The following CDH12 variants were observed in gnomAD, a reference collection of about 807,000 sequenced individuals.
CDH12 encodes cadherin 12, also known as cadherin-12.
A neutral mutation model predicts 74.1 loss-of-function variants in CDH12; 41 were observed. The observed-to-expected ratio is 0.55, with a 90% CI of 0.43 to 0.72. CDH12 has a LOEUF of 0.72. CDH12 is among the 30% of genes least tolerant of loss of function. The probability of loss-of-function intolerance (pLI) is 0.00; values close to 1 mark genes in which losing one functional copy is unlikely to be tolerated. For missense variants in CDH12, 945 were observed against 977.2 expected, an observed-to-expected ratio of 0.97 and a Z score of 0.44; for synonymous variants, 399 against 355.0, an observed-to-expected ratio of 1.12 and a Z score of -1.39.
At chr5:22,688,153 G>A (rs1398964318) in intron 1 of CDH12, among the ~76,000 whole-genome samples, 2 of 152,096 alleles carry the variant, frequency 1.3e-5, no homozygotes, top group African/African-American at 4.8e-5. Flanking sequence ...CTGGCGTCCA[G>A]GAGATTCATG....
chr5:21,798,042 A>C (rs909027040), intron 10 of CDH12, among the ~76,000 whole-genome samples: 3 of 152,002 alleles, frequency 2.0e-5, no homozygotes, highest in Non-Finnish European at 4.4e-5. Flanking sequence ...TTTTGTTGCA[A>C]CCTTCAATTT....
At chr5:22,084,796 C>A (rs1174363378) in intron 4 of CDH12, among the ~76,000 whole-genome samples, 1 of 152,138 alleles carries the variant, frequency 6.6e-6, no homozygotes, top group South Asian at 2.1e-4. Context: ...GATTGAAGGA[C>A]TCCAGTTCTT....
rs558699956 is a variant in CDH12, at chr5:22,779,010, T to C, written c.-523+74048A>G. 4.3e-4 allele frequency among the ~76,000 whole-genome samples: 66 copies of C among 152,292 alleles called. 1 individual carries two copies. The South Asian group carries it at 0.013, about 31-fold the overall frequency. ...CCAGAATTTCTCTTCACTAAAATAATATAGAAAATGTATGTTTTGATATTT... is the reference window on the plus strand; with the variant it reads ...CCAGAATTTCTCTTCACTAAAATAACATAGAAAATGTATGTTTTGATATTT... On this transcript the variant is annotated intron_variant, in intron 1 of 14. Coordinates refer to ENST00000382254, the MANE Select transcript of CDH12 (RefSeq NM_004061.5).
chr5:22,091,103 A>C (rs1743395141), intron 4 of CDH12, among the ~76,000 whole-genome samples: 1 of 151,662 alleles, frequency 6.6e-6, no homozygotes, highest in South Asian at 2.1e-4. Context: ...AAAAGAGGGA[A>C]AATTTACCAG....
rs562318619 is a variant in CDH12, at chr5:21,830,391, G to A, written c.814+11770C>T. ...AAAATTAAAAATAAACATCTTTACT[G>A]TCAGATATTTTAGTTGTATTGATTT... On this transcript the variant is annotated intron_variant, in intron 8 of 14. Transcript: ENST00000382254. 3.1e-4 allele frequency among the ~76,000 whole-genome samples: 47 copies of A among 151,986 alleles called. 1 individual carries two copies. In the South Asian group the frequency reaches 7.9e-3, roughly 26 times the overall value.
At chr5:21,990,442 CAG>C (rs1757696067) in intron 5 of CDH12, among the ~76,000 whole-genome samples, 1 of 152,000 alleles carries the variant, frequency 6.6e-6, no homozygotes, top group Admixed American at 6.6e-5. Context: ...CTTCATACCT[CAG>C]AGTCTTCATA....
chr5:22,845,251 A>G (rs1469523070), intron 1 of CDH12, among the ~76,000 whole-genome samples: 1 of 152,178 alleles, frequency 6.6e-6, no homozygotes, highest in Non-Finnish European at 1.5e-5. Flanking sequence ...ACCAAATCCT[A>G]ACACTAATAA....
rs138929335 is a variant in CDH12, at chr5:22,560,421, C to T, written c.-522-55057G>A. 3.5e-3 allele frequency among the ~76,000 whole-genome samples: 535 copies of T among 152,144 alleles called. 2 individuals carry two copies. Among genetic ancestry groups the T allele is most frequent in the Middle Eastern group, 0.01 (3 of 294 alleles). The stretch of plus-strand genomic sequence containing the variant: ...TAGGCATTCACTGGGGCTCTTGAAA[C>T]CTATCCCTTCAGATAAGAGGTGCTT... On this transcript the variant is annotated intron_variant, in intron 1 of 14. Transcript: ENST00000382254.
intron 5 of CDH12, among the ~76,000 whole-genome samples, chr5:22,047,685 A>G (rs1740056860): frequency 6.6e-6 from 1 of 152,086 alleles, no homozygotes; most frequent in African/African-American, 2.4e-5. Flanking sequence ...TGCACTGTTG[A>G]CTTCAAAACC....
intron 1 of CDH12, among the ~76,000 whole-genome samples, chr5:22,622,956 A>T (rs918621921): frequency 1.6e-4 from 25 of 152,372 alleles, no homozygotes; most frequent in Admixed American, 3.9e-4. Flanking sequence ...GCAGCACATC[A>T]AAAAGCTTAT....
In CDH12 at chr5:22,745,276, ATT is replaced by A. The variant is rs75964510; in HGVS notation, c.-523+107780_-523+107781del. Among the ~76,000 whole-genome samples, 12 of 150,014 alleles carry A rather than the reference ATT, an allele frequency of 8.0e-5. No homozygotes were observed. In the East Asian group the frequency reaches 1.6e-3, roughly 20 times the overall value. On this transcript the variant is annotated intron_variant, in intron 1 of 14. Transcript: ENST00000382254. Reference sequence around the variant, plus strand: ...ACTAACAAATAAGCATTCCATTGAGATTTTTTTTTAATTAAATTGCATTAAAG... The same window carrying A: ...ACTAACAAATAAGCATTCCATTGAGATTTTTTTAATTAAATTGCATTAAAG...
At chr5:21,837,826 T>C (rs770755068) in intron 8 of CDH12, among the ~76,000 whole-genome samples, 9 of 152,138 alleles carry the variant, frequency 5.9e-5, no homozygotes, top group Non-Finnish European at 1.2e-4. Flanking sequence ...TGTGAAAACC[T>C]CTTCTTTCTC....
intron 6 of CDH12, among the ~76,000 whole-genome samples, chr5:21,962,412 A>G (rs1228033794): frequency 6.6e-6 from 1 of 152,192 alleles, no homozygotes; most frequent in Non-Finnish European, 1.5e-5. Context: ...TTACTTCAAC[A>G]ATGTTCATTA....
chr5:22,501,035 A>G (rs1747310479), intron 2 of CDH12, among the ~76,000 whole-genome samples: 1 of 152,154 alleles, frequency 6.6e-6, no homozygotes, highest in Non-Finnish European at 1.5e-5. Context: ...ACCTATCACA[A>G]AAAATCAAAG....
chr5:21,995,625 C>A (rs1736241475), intron 5 of CDH12, among the ~76,000 whole-genome samples: 1 of 151,678 alleles, frequency 6.6e-6, no homozygotes, highest in South Asian at 2.1e-4. Flanking sequence ...TCCCCTTTCC[C>A]AATTCATAAT....
chr5:22,529,182 TATATATAGAGAGAGAG>T (rs765308728), intron 1 of CDH12, among the ~76,000 whole-genome samples: 1,088 of 96,776 alleles, frequency 0.011, 12 homozygotes, highest in Middle Eastern at 0.024. Context: ...TATATATATA[TATATATAGAGAGAGAG>T]AGAGAGAGAG....
At chr5:22,410,195 T>TC (rs1201201097) in intron 2 of CDH12, among the ~76,000 whole-genome samples, 1 of 151,784 alleles carries the variant, frequency 6.6e-6, no homozygotes, top group African/African-American at 2.4e-5. Flanking sequence ...AGTTCCATTC[T>TC]CCCCCAAGGA....
At chr5:22,604,042 T>C (rs1736979532) in intron 1 of CDH12, among the ~76,000 whole-genome samples, 1 of 152,188 alleles carries the variant, frequency 6.6e-6, no homozygotes. Flanking sequence ...CTGGTCTCTC[T>C]TAGGAACACA....
chr5:22,491,624 A>AC (rs1393134313), intron 2 of CDH12, among the ~76,000 whole-genome samples: 6,697 of 149,332 alleles, frequency 0.045, 573 homozygotes, highest in African/African-American at 0.15. Flanking sequence ...AAAAAAAACA[A>AC]AAAAAAAAAC....
Sources: gnomAD v4.1 joint callset for allele counts (sites outside exome capture counted in the v4.1 genomes callset) on GRCh38, gnomAD v4.1.1 for gene constraint, MANE v1.5 for transcripts, NCBI Gene and HGNC (gene_info 2026-07-23, HGNC 2026-07-21) for gene names.